CTNNA3: variants seen among roughly 807,000 people sequenced by gnomAD.
CTNNA3 encodes the protein catenin alpha 3, also known as catenin alpha-3.
In CTNNA3, 76 loss-of-function variants were observed where a neutral mutation model predicts 95.7. The ratio of observed to expected loss-of-function variants is 0.79; its 90% confidence interval spans 0.66 to 0.96. The LOEUF is 0.96. Ranked by LOEUF, CTNNA3 falls within the 40% of genes least tolerant of loss-of-function variation. The probability of loss-of-function intolerance (pLI) is 0.00; values close to 1 mark genes in which losing one functional copy is unlikely to be tolerated. For synonymous variants in CTNNA3, 431 were observed against 374.4 expected (o/e 1.15, Z -1.74); for missense variants, 1,191 against 1,089.8 (o/e 1.09, Z -1.31).
chr10:66,195,089 T>C (rs10822747), intron 13 of CTNNA3, among the ~76,000 whole-genome samples: 85,991 of 151,860 alleles, frequency 0.57, 24,579 homozygotes, highest in South Asian at 0.68. Flanking sequence ...AGATGGAATA[T>C]CTAATAAAAC....
In CTNNA3 at chr10:67,458,126, TCAGCCTCCC is replaced by T. The variant is rs569032128; in HGVS notation, c.579+63707_579+63715del. 5.3e-5 allele frequency among the ~76,000 whole-genome samples: 8 copies of T among 152,202 alleles called. No individual in the cohort carries two copies. In the South Asian group the frequency reaches 1.2e-3, roughly 24 times the overall value. ...ATGAGTCCACAAAATAATAGTTTTC[TCAGCCTCCC>T]CAGCTTCCCTCCCTCATTTACCATC... On this transcript the variant is annotated intron_variant, in intron 5 of 17. Coordinates refer to ENST00000433211, the MANE Select transcript of CTNNA3 (RefSeq NM_013266.4).
At chr10:66,107,740 C>T (rs117946280) in intron 13 of CTNNA3, among the ~76,000 whole-genome samples, 2,782 of 151,414 alleles carry the variant, frequency 0.018, 42 homozygotes, top group South Asian at 0.039. Flanking sequence ...AATTCACTTG[C>T]GCAGACTTTA....
chr10:66,968,400 C>T (rs1482010881), intron 7 of CTNNA3, among the ~76,000 whole-genome samples: 1 of 145,174 alleles, frequency 6.9e-6, no homozygotes, highest in South Asian at 2.1e-4. Context: ...ATTAGTTTGA[C>T]ATTAAGGGAA....
chr10:66,216,846 A>C (rs944077816), intron 13 of CTNNA3, among the ~76,000 whole-genome samples: 1 of 152,178 alleles, frequency 6.6e-6, no homozygotes, highest in African/African-American at 2.4e-5. Flanking sequence ...TCATTGGTGC[A>C]ATAAATGTGT....
At chr10:67,438,095 A>T (rs1268725104) in intron 5 of CTNNA3, among the ~76,000 whole-genome samples, 2 of 152,164 alleles carry the variant, frequency 1.3e-5, no homozygotes, top group Non-Finnish European at 2.9e-5. Context: ...GAAAATAAAT[A>T]AATTAAGAGG....
intron 7 of CTNNA3, among the ~76,000 whole-genome samples, chr10:67,170,527 A>G (rs1163401443): frequency 6.6e-6 from 1 of 152,196 alleles, no homozygotes; most frequent in African/African-American, 2.4e-5. Flanking sequence ...ACAGAAAACC[A>G]AATACCACAT....
intron 5 of CTNNA3, among the ~76,000 whole-genome samples, chr10:67,324,547 T>C (rs1224782386): frequency 6.6e-6 from 1 of 152,220 alleles, no homozygotes; most frequent in African/African-American, 2.4e-5. Flanking sequence ...ATTTATTGAT[T>C]TGCATACATT....
chr10:66,579,476 C>T (rs1339925876), intron 10 of CTNNA3, among the ~76,000 whole-genome samples: 1 of 151,736 alleles, frequency 6.6e-6, no homozygotes, highest in Non-Finnish European at 1.5e-5. Flanking sequence ...CAACTCCTAC[C>T]ACTATAACTC....
At chr10:66,475,742 G>A (rs146363258) in intron 11 of CTNNA3, among the ~76,000 whole-genome samples, 116 of 152,222 alleles carry the variant, frequency 7.6e-4, no homozygotes, top group African/African-American at 2.7e-3. Flanking sequence ...TGGAAAGATA[G>A]TAATGCTTTT....
chr10:66,236,533 A>G (rs950264978), intron 13 of CTNNA3, among the ~76,000 whole-genome samples: 5 of 152,144 alleles, frequency 3.3e-5, no homozygotes, highest in African/African-American at 9.7e-5. Context: ...TATAAAATAT[A>G]TTGCATTTGG....
intron 17 of CTNNA3, among the ~76,000 whole-genome samples, chr10:65,926,626 G>C (rs1268687425): frequency 2.6e-5 from 4 of 151,904 alleles, no homozygotes; most frequent in African/African-American, 9.7e-5. Context: ...ACAGGCATGT[G>C]CCACCACACC....
intron 10 of CTNNA3, among the ~76,000 whole-genome samples, chr10:66,571,371 A>C (rs1360836503): frequency 6.6e-6 from 1 of 152,192 alleles, no homozygotes; most frequent in Non-Finnish European, 1.5e-5. Context: ...TTCAAGCTAA[A>C]CCCATACTTT....
intron 7 of CTNNA3, among the ~76,000 whole-genome samples, chr10:67,079,084 A>T (rs2131872457): frequency 1.3e-5 from 2 of 152,334 alleles, no homozygotes; most frequent in South Asian, 4.1e-4. Context: ...AATTCATAAT[A>T]TCTGGGAGGA....
At chr10:67,165,075 T>C (rs1351877272) in intron 7 of CTNNA3, among the ~76,000 whole-genome samples, 2 of 152,190 alleles carry the variant, frequency 1.3e-5, no homozygotes, top group African/African-American at 4.8e-5. Flanking sequence ...CATAGAAGCA[T>C]TATTTGTAAT....
chr10:65,966,636 C>A lies in CTNNA3; in HGVS notation c.2376G>T (p.Leu792=). The A allele has an allele frequency of 6.2e-7, 1 of 1,613,826 alleles. No individual in the cohort carries two copies. The highest frequency in any genetic ancestry group is 1.1e-5 in the South Asian group (1 of 91,042). The change falls in exon 17 of 18, where the codon CTG becomes CTT. Residue 792 remains leucine, a synonymous_variant. Transcript: ENST00000433211. ...CAGCTGACATGATGAGCTCTCCTCC[C>A]AGGTTCTGGATCTCAGCTTTAACTT... The part of the protein sequence containing the change: ...CSQVKAEIQN[L]GGELIMSALD...
At chr10:66,226,927 A>G (rs2089318334) in intron 13 of CTNNA3, among the ~76,000 whole-genome samples, 2 of 152,148 alleles carry the variant, frequency 1.3e-5, no homozygotes, top group African/African-American at 4.8e-5. Flanking sequence ...CAAATTTACC[A>G]AATTTATCAG....
intron 15 of CTNNA3, among the ~76,000 whole-genome samples, chr10:66,006,672 G>A (rs192548122): frequency 1.3e-3 from 195 of 152,046 alleles, no homozygotes; most frequent in Non-Finnish European, 1.4e-3. Context: ...TTAAACCACC[G>A]TGATATACTG....
At chr10:67,218,311 T>G (rs1864481564) in intron 6 of CTNNA3, among the ~76,000 whole-genome samples, 1 of 152,148 alleles carries the variant, frequency 6.6e-6, no homozygotes, top group South Asian at 2.1e-4. Flanking sequence ...GGTGCAAAAG[T>G]AATACATATT....
In CTNNA3 at chr10:67,371,232, A is replaced by AT. The variant is rs541826538; in HGVS notation, c.579+150609dup. 8.7e-3 allele frequency among the ~76,000 whole-genome samples: 1,313 copies of AT among 150,456 alleles called. 19 individuals carry two copies. Among genetic ancestry groups the AT allele is most frequent in the African/African-American group, 0.029 (1,197 of 41,128 alleles). On this transcript the variant is annotated intron_variant, in intron 5 of 17. Transcript: ENST00000433211. ...CCCATTTTTCTTTTTATATATACAT[A>AT]TTTTTTTTCTATTATACTTTAAGTT... is the stretch of plus-strand genomic sequence containing the variant.
Sources: allele counts gnomAD v4.1 joint callset (sites outside exome capture counted in the v4.1 genomes callset), GRCh38; gene constraint gnomAD v4.1.1; transcripts MANE v1.5; gene names NCBI Gene and HGNC (gene_info 2026-07-23, HGNC 2026-07-21).